Variants in KCNC2 observed in about 807,000 individuals in gnomAD.
The protein encoded by KCNC2 is voltage-gated potassium channel KCNC2.
Under a neutral mutation model 44.5 loss-of-function variants are expected in KCNC2, and 21 were observed. The observed-to-expected ratio is 0.47, with a 90% CI of 0.33 to 0.68. KCNC2 has a LOEUF of 0.68. Among genes scored for constraint, KCNC2 ranks in the 30% least tolerant of loss-of-function variants. KCNC2 has a pLI of 0.01. For missense variants in KCNC2, 589 were observed against 826.2 expected, an observed-to-expected ratio of 0.71 and a Z score of 3.52; for synonymous variants, 391 against 339.1, an observed-to-expected ratio of 1.15 and a Z score of -1.68.
intron 2 of KCNC2, among the ~76,000 whole-genome samples, chr12:75,165,932 T>C (rs1201077655): frequency 1.3e-5 from 2 of 151,382 alleles, no homozygotes; most frequent in Non-Finnish European, 3.0e-5. Context: ...CTATATTAAA[T>C]GTAAGTTGAT....
intron 2 of KCNC2, among the ~76,000 whole-genome samples, chr12:75,081,382 T>C (rs935602388): frequency 6.6e-6 from 1 of 151,368 alleles, no homozygotes; most frequent in Non-Finnish European, 1.5e-5. Flanking sequence ...CTTTTTTTTT[T>C]CTGAACTGCT....
At chr12:75,060,707 G>C (rs1882231818) in intron 2 of KCNC2, among the ~76,000 whole-genome samples, 1 of 152,046 alleles carries the variant, frequency 6.6e-6, no homozygotes. Flanking sequence ...CTGAGCTCAA[G>C]CAGTCTGCCT....
At chr12:75,158,259 T>C (rs894160425) in intron 2 of KCNC2, among the ~76,000 whole-genome samples, 5 of 152,062 alleles carry the variant, frequency 3.3e-5, no homozygotes, top group South Asian at 2.1e-4. Context: ...AAAAATGTTG[T>C]TCTAATTTTC....
chr12:75,078,413 A>C (rs1884187902), intron 2 of KCNC2, among the ~76,000 whole-genome samples: 1 of 152,208 alleles, frequency 6.6e-6, no homozygotes, highest in Non-Finnish European at 1.5e-5. Flanking sequence ...TTCTGTAATT[A>C]TAATGACTGT....
At chr12:75,069,999 T>G (rs939019424) in intron 2 of KCNC2, among the ~76,000 whole-genome samples, 17 of 152,186 alleles carry the variant, frequency 1.1e-4, no homozygotes, top group African/African-American at 4.1e-4. Context: ...TCATGAAAAG[T>G]GGGAGATTTA....
intron 2 of KCNC2, chr12:75,124,758 T>G (rs1888283473): frequency 6.6e-6 from 1 of 152,196 alleles, no homozygotes; most frequent in African/African-American, 2.4e-5. Flanking sequence ...CTTGATATAT[T>G]TCTTACTTTC....
chr12:75,088,973 T>C (rs1283599532), intron 2 of KCNC2, among the ~76,000 whole-genome samples: 3 of 151,858 alleles, frequency 2.0e-5, no homozygotes, highest in Admixed American at 6.6e-5. Flanking sequence ...AAAACAATGA[T>C]AATATAAAGA....
chr12:75,061,061 A>C (rs901542474), intron 2 of KCNC2, among the ~76,000 whole-genome samples: 1 of 152,056 alleles, frequency 6.6e-6, no homozygotes, highest in Admixed American at 6.6e-5. Context: ...CATTTCTGTA[A>C]TATTTGATTT....
chr12:75,121,317 C>G (rs1420960097), intron 2 of KCNC2, among the ~76,000 whole-genome samples: 1 of 152,174 alleles, frequency 6.6e-6, no homozygotes, highest in African/African-American at 2.4e-5. Flanking sequence ...GGACAATTTG[C>G]TAAGTCCTCT....
At chr12:75,164,755 AG>A (rs1177293126) in intron 2 of KCNC2, among the ~76,000 whole-genome samples, 3 of 151,712 alleles carry the variant, frequency 2.0e-5, no homozygotes, top group Non-Finnish European at 4.4e-5. Context: ...GCCAATGGAA[AG>A]GTACCTGGAG....
At chr12:75,075,009 C>T (rs1883789550) in intron 2 of KCNC2, among the ~76,000 whole-genome samples, 1 of 152,104 alleles carries the variant, frequency 6.6e-6, no homozygotes, top group Non-Finnish European at 1.5e-5. Flanking sequence ...TATGAAACAG[C>T]AAGATGTGTT....
intron 2 of KCNC2, among the ~76,000 whole-genome samples, chr12:75,073,736 G>A (rs918120652): frequency 6.6e-6 from 1 of 152,146 alleles, no homozygotes; most frequent in African/African-American, 2.4e-5. Context: ...ATAAGCCATG[G>A]AAGTGATTTA....
At chr12:75,177,476 T>C (rs934785321) in intron 2 of KCNC2, among the ~76,000 whole-genome samples, 3 of 151,858 alleles carry the variant, frequency 2.0e-5, no homozygotes, top group African/African-American at 7.3e-5. Context: ...CAAAGTAGGT[T>C]AAAATATGAT....
chr12:75,138,077 C>T (rs1365074269), intron 2 of KCNC2, among the ~76,000 whole-genome samples: 1 of 152,158 alleles, frequency 6.6e-6, no homozygotes, highest in East Asian at 1.9e-4. Flanking sequence ...ACTCACTGAC[C>T]TGGACATAAA....
chr12:75,065,348 T>C (rs1487864299), intron 2 of KCNC2, among the ~76,000 whole-genome samples: 2 of 152,054 alleles, frequency 1.3e-5, no homozygotes, highest in African/African-American at 4.8e-5. Flanking sequence ...TGTATTGGTA[T>C]GCCTCAAATA....
At chr12:75,073,103 G>A (rs902589892) in intron 2 of KCNC2, among the ~76,000 whole-genome samples, 4 of 152,062 alleles carry the variant, frequency 2.6e-5, no homozygotes, top group Non-Finnish European at 5.9e-5. Context: ...TATCTGTTGA[G>A]GCCTGATATT....
intron 2 of KCNC2, among the ~76,000 whole-genome samples, chr12:75,124,279 G>A (rs1035931637): frequency 2.0e-5 from 3 of 152,080 alleles, no homozygotes; most frequent in African/African-American, 4.8e-5. Flanking sequence ...AAGGCTCCAG[G>A]TTTACTTGAT....
chr12:75,086,698 A>T (rs1254650409), intron 2 of KCNC2, among the ~76,000 whole-genome samples: 1 of 147,100 alleles, frequency 6.8e-6, no homozygotes, highest in Non-Finnish European at 1.5e-5. Flanking sequence ...ATATATATAT[A>T]TACACACACA....
intron 2 of KCNC2, among the ~76,000 whole-genome samples, chr12:75,139,923 T>G (rs576002897): frequency 2.6e-5 from 4 of 152,300 alleles, no homozygotes; most frequent in South Asian, 4.1e-4. Flanking sequence ...TTCCCTAATT[T>G]CTTCATAGGC....
Sources: allele counts gnomAD v4.1 joint callset (sites outside exome capture counted in the v4.1 genomes callset), GRCh38; gene constraint gnomAD v4.1.1; transcripts MANE v1.5; gene names NCBI Gene and HGNC (gene_info 2026-07-23, HGNC 2026-07-21).